NRCAM: variants seen among roughly 807,000 people sequenced by gnomAD.
NRCAM encodes NgCAM-related cell adhesion molecule.
In NRCAM, 83 loss-of-function variants were observed where a neutral mutation model predicts 156.5. That is an observed-to-expected ratio of 0.53 (90% CI 0.44 to 0.64). The LOEUF (loss-of-function observed/expected upper bound fraction) is 0.64. Ranked by LOEUF, NRCAM falls within the 30% of genes least tolerant of loss-of-function variation. The probability of loss-of-function intolerance (pLI) is 0.00; values close to 1 mark genes in which losing one functional copy is unlikely to be tolerated. For missense variants in NRCAM, 1,417 were observed against 1,597.3 expected, an observed-to-expected ratio of 0.89 and a Z score of 1.92; for synonymous variants, 538 against 563.9, an observed-to-expected ratio of 0.95 and a Z score of 0.65.
intron 3 of NRCAM, among the ~76,000 whole-genome samples, chr7:108,243,815 G>A (rs147059200): frequency 5.1e-4 from 77 of 152,136 alleles, no homozygotes; most frequent in African/African-American, 1.8e-3. Flanking sequence ...GCAACTTTTC[G>A]TATGTTACCT....
At chr7:108,313,809 A>C (rs1478048500) in intron 2 of NRCAM, among the ~76,000 whole-genome samples, 1 of 152,158 alleles carries the variant, frequency 6.6e-6, no homozygotes, top group African/African-American at 2.4e-5. Flanking sequence ...TTTAAAAAAA[A>C]CCCTAGAGTT....
chr7:108,166,319 C>A (rs2054183742), intron 30 of NRCAM, among the ~76,000 whole-genome samples: 1 of 149,646 alleles, frequency 6.7e-6, no homozygotes, highest in Admixed American at 6.7e-5. Context: ...GCAATCTTGG[C>A]TCACCGCAAC....
chr7:108,363,060 C>G (rs1000761089), intron 2 of NRCAM, among the ~76,000 whole-genome samples: 2 of 151,724 alleles, frequency 1.3e-5, no homozygotes, highest in Non-Finnish European at 2.9e-5. Flanking sequence ...GACATGGGAG[C>G]CAATTGAAAG....
At chr7:108,283,466 T>G (rs917353238) in intron 3 of NRCAM, among the ~76,000 whole-genome samples, 2 of 152,156 alleles carry the variant, frequency 1.3e-5, no homozygotes, top group Non-Finnish European at 2.9e-5. Flanking sequence ...GATGTGGACT[T>G]TGAAGCACTT....
At chr7:108,275,258 G>C (rs527328306) in intron 3 of NRCAM, among the ~76,000 whole-genome samples, 1 of 152,300 alleles carries the variant, frequency 6.6e-6, no homozygotes, top group East Asian at 1.9e-4. Context: ...CTCATAAAAT[G>C]AGTTAGGGAG....
intron 32 of NRCAM, among the ~76,000 whole-genome samples, chr7:108,154,685 T>C (rs1028454440): frequency 2.6e-5 from 4 of 152,154 alleles, no homozygotes; most frequent in African/African-American, 7.2e-5. Flanking sequence ...AGTGGTGTGA[T>C]ATAATATCAT....
At chr7:108,365,966 G>A (rs2099589323) in intron 2 of NRCAM, among the ~76,000 whole-genome samples, 1 of 152,170 alleles carries the variant, frequency 6.6e-6, no homozygotes, top group African/African-American at 2.4e-5. Context: ...GTTATGAGCG[G>A]AGGCCTTTAA....
Position 108,407,501 on chromosome 7 carries a change from G to A in NRCAM, c.-331-7908C>T, listed in dbSNP as rs372071620. 7.2e-5 allele frequency among the ~76,000 whole-genome samples: 11 copies of A among 152,266 alleles called. No individual in the cohort carries two copies. The East Asian group carries it at 1.3e-3, about 19-fold the overall frequency. Reference sequence around the variant, plus strand: ...ATCTAAGATTGTGATCAACTGAACCGAGAGTATTTCAGGCCAAGTACCTGC... The same window carrying A: ...ATCTAAGATTGTGATCAACTGAACCAAGAGTATTTCAGGCCAAGTACCTGC... On this transcript the variant is annotated intron_variant, in intron 1 of 32. Coordinates refer to ENST00000379028, the MANE Select transcript of NRCAM (RefSeq NM_001037132.4).
At chr7:108,324,877 CTTTTTTTTTT>C (rs60553976) in intron 2 of NRCAM, among the ~76,000 whole-genome samples, 5 of 82,676 alleles carry the variant, frequency 6.0e-5, no homozygotes, top group African/African-American at 2.6e-4. Context: ...TGGCACTGTA[CTTTTTTTTTT>C]TTTTTTTTTT....
At chr7:108,392,697 GT>G (rs1390515103) in intron 2 of NRCAM, among the ~76,000 whole-genome samples, 1 of 152,174 alleles carries the variant, frequency 6.6e-6, no homozygotes. Context: ...CATCTTTGTG[GT>G]TTTATCTACC....
At position 108,347,035 on chromosome 7, in the gene NRCAM, T is replaced by TTG. The variant is rs1178626607; in HGVS notation, c.-173-34305_-173-34304insCA. Among the ~76,000 whole-genome samples, 20 of 132,502 alleles carry TTG rather than the reference T, an allele frequency of 1.5e-4. No homozygotes were observed. The East Asian group carries it at 3.2e-3, about 21-fold the overall frequency. 86.9% of individuals were successfully genotyped at this position (132,502 alleles called of 152,430 possible). On this transcript the variant is annotated intron_variant, in intron 2 of 32. Transcript: ENST00000379028. The stretch of plus-strand genomic sequence containing the variant: ...ATGTGACTCATATTATATTTCTGTT[T>TTG]TTTTTTTTTTTTTTTTTTTTGAGAC...
In NRCAM at chr7:108,176,430, C is replaced by T; in HGVS notation, c.3151G>A (p.Ala1051Thr). The T allele has an allele frequency of 6.2e-7, 1 of 1,611,656 alleles. No homozygotes were observed. The highest frequency in any genetic ancestry group is 8.5e-7 in the Non-Finnish European group (1 of 1,178,694). The part of the protein sequence containing the change: ...TEEAVTTVDE[A>T]GILPPDVGAG... ...TGGATTTTATACATACCCATCTTAC[C>T]TTCATCCACAGTTGTTACTGCTTCC... Residue 1051 changes from alanine to threonine, a missense_variant and splice_region_variant, in exon 27 of 33, where the codon GCT becomes ACT. Transcript: ENST00000379028.
chr7:108,159,426 G>T, intron 32 of NRCAM, 37 bp downstream of exon 32: 2 of 1,540,092 alleles, frequency 1.3e-6, no homozygotes, highest in Non-Finnish European at 1.8e-6. Flanking sequence ...TGTTCATGTG[G>T]GCAGAGAAGA....
At chr7:108,433,212 C>A (rs1827903764) in intron 1 of NRCAM, among the ~76,000 whole-genome samples, 2 of 152,090 alleles carry the variant, frequency 1.3e-5, no homozygotes, top group South Asian at 4.1e-4. Context: ...CCCCTCAACT[C>A]CCAATACCTT....
chr7:108,201,841 T>C (rs2078318901), intron 13 of NRCAM, among the ~76,000 whole-genome samples: 1 of 152,194 alleles, frequency 6.6e-6, no homozygotes, highest in African/African-American at 2.4e-5. Flanking sequence ...GCAAGGTATT[T>C]AGGAACAAAA....
intron 17 of NRCAM, among the ~76,000 whole-genome samples, chr7:108,193,405 T>C (rs896260372): frequency 1.3e-4 from 20 of 152,244 alleles, no homozygotes; most frequent in Non-Finnish European, 2.8e-4. Flanking sequence ...GTGAGGCCTA[T>C]AGCCACTTTG....
chr7:108,372,041 C>G (rs1167802174), intron 2 of NRCAM, among the ~76,000 whole-genome samples: 1 of 152,014 alleles, frequency 6.6e-6, no homozygotes, highest in Non-Finnish European at 1.5e-5. Flanking sequence ...TAGAACAGAA[C>G]AGCAAGCCCA....
intron 2 of NRCAM, among the ~76,000 whole-genome samples, chr7:108,371,560 T>C (rs1418772916): frequency 6.6e-6 from 1 of 152,108 alleles, no homozygotes; most frequent in Admixed American, 6.6e-5. Context: ...TCTCAAAAGT[T>C]TGGGATAAAA....
intron 3 of NRCAM, among the ~76,000 whole-genome samples, chr7:108,264,946 G>C (rs759692218): frequency 6.6e-5 from 10 of 152,212 alleles, no homozygotes; most frequent in Non-Finnish European, 1.3e-4. Flanking sequence ...CAACCGGACA[G>C]AAAATGAATG....
Sources: allele counts gnomAD v4.1 joint callset (sites outside exome capture counted in the v4.1 genomes callset), GRCh38; gene constraint gnomAD v4.1.1; transcripts MANE v1.5; gene names NCBI Gene and HGNC (gene_info 2026-07-23, HGNC 2026-07-21).